Variants in SESN2 observed in about 807,000 individuals in gnomAD.
The protein encoded by SESN2 is sestrin 2.
SESN2 carries 42 observed loss-of-function variants against 56.0 expected under a neutral mutation model. The ratio of observed to expected loss-of-function variants is 0.75; its 90% CI spans 0.59 to 0.97. The LOEUF is 0.97. SESN2 is among the 50% of genes least tolerant of loss of function. The pLI, the probability that SESN2 is intolerant of heterozygous loss-of-function variation, is 0.00. For synonymous variants in SESN2, 264 were observed against 267.1 expected (o/e 0.99, Z 0.11); for missense variants, 507 against 649.4 (o/e 0.78, Z 2.38).
chr1:28,274,291 G>A (rs2149039448), intron 7 of SESN2, 133 bp downstream of exon 7: 3 of 669,094 alleles, frequency 4.5e-6, no homozygotes, highest in Non-Finnish European at 8.0e-6. Flanking sequence ...CAGCACTTTG[G>A]GAAGCCAAGG....
At position 28,271,665 on chromosome 1, in the gene SESN2, G is replaced by C; in HGVS notation, c.157-9G>C. The C allele has an allele frequency of 1.2e-6, 2 of 1,612,726 alleles. No homozygotes were observed. The highest frequency in any genetic ancestry group is 1.7e-5 in the Admixed American group (1 of 60,026). On this transcript the variant is annotated splice_polypyrimidine_tract_variant and intron_variant, in intron 2 of 9. Coordinates refer to ENST00000253063, the MANE Select transcript of SESN2 (RefSeq NM_031459.5). ...GGAAACCCATGCTCTCCTCCCCTTT[G>C]GTTGGCAGGTCCTTCGGGAGGGGGC...
chr1:28,268,178 G>A (rs1389515536), intron 1 of SESN2, among the ~76,000 whole-genome samples: 6 of 152,182 alleles, frequency 3.9e-5, no homozygotes, highest in African/African-American at 7.2e-5. Context: ...TAAGGAGGCC[G>A]GGGGACAACT....
chr1:28,279,254 C>T lies in SESN2; in HGVS notation c.1356+13C>T. On this transcript the variant is annotated intron_variant, in intron 9 of 9. Coordinates refer to ENST00000253063, the MANE Select transcript of SESN2 (RefSeq NM_031459.5). ...CCACTCAGAGAAGGTATGACCTATA[C>T]AGGCAGGGCAGGATGGAAGTAGACA... 2 of 1,613,672 alleles carry T rather than the reference C, an allele frequency of 1.2e-6. No individual in the cohort carries two copies. The highest frequency in any genetic ancestry group is 1.7e-6 in the Non-Finnish European group (2 of 1,179,954).
At position 28,272,768 on chromosome 1, in the gene SESN2, G is replaced by A. The variant is rs1428794946; in HGVS notation, c.725G>A (p.Ser242Asn). The A allele has an allele frequency of 6.2e-7, 1 of 1,603,114 alleles. No individual in the cohort carries two copies. Among genetic ancestry groups the A allele is most frequent in the Non-Finnish European group, 8.5e-7 (1 of 1,172,366 alleles). ...CCTAGTGAACAGAGCAGCCCCCCAAGCAGGGACCCGTTGAACAACTCTGGG... is the reference window on the plus strand; with the variant it reads ...CCTAGTGAACAGAGCAGCCCCCCAAACAGGGACCCGTTGAACAACTCTGGG... The part of the protein sequence containing the change: ...TPPSEQSSPP[S>N]RDPLNNSGGF... Residue 242 changes from serine (S) to asparagine (N), a missense_variant, in exon 5 of 10, where the codon AGC (serine) becomes AAC (asparagine). Transcript: ENST00000253063.
intron 1 of SESN2, among the ~76,000 whole-genome samples, chr1:28,266,641 C>G (rs1647569667): frequency 6.8e-6 from 1 of 147,296 alleles, no homozygotes; most frequent in Non-Finnish European, 1.5e-5. Flanking sequence ...CTTGCTGTAA[C>G]CTCAAACTCC....
chr1:28,277,516 CCTTT>C (rs1184243093), intron 8 of SESN2, among the ~76,000 whole-genome samples: 1 of 152,182 alleles, frequency 6.6e-6, no homozygotes, highest in East Asian at 1.9e-4. Flanking sequence ...ACACCTGGCA[CCTTT>C]CTTTTTTTCT....
Position 28,274,859 on chromosome 1 carries a change from T to C in SESN2, c.1055T>C (p.Ile352Thr). Residue 352 changes from isoleucine (I) to threonine (T), a missense_variant, in exon 8 of 10, where the codon ATC becomes ACC. Physicochemically the swap from Ile to Thr is moderately conservative, Grantham distance 89. Transcript: ENST00000253063. Reference protein sequence around the residue: ...YTWEDHGYSLIQRLYPEGGQL... With the variant: ...YTWEDHGYSLTQRLYPEGGQL... ...TGGGAAGACCATGGCTACTCGCTGATCCAGCGGCTTTACCCTGAGGGTGGG... is the reference window on the plus strand; with the variant it reads ...TGGGAAGACCATGGCTACTCGCTGACCCAGCGGCTTTACCCTGAGGGTGGG... 6.2e-7 allele frequency: 1 copy of C among 1,614,120 alleles called. No individual in the cohort carries two copies. The highest frequency in any genetic ancestry group is 1.1e-5 in the South Asian group (1 of 91,068).
At chr1:28,261,022 G>A (rs1370988929) in intron 1 of SESN2, among the ~76,000 whole-genome samples, 1 of 152,106 alleles carries the variant, frequency 6.6e-6, no homozygotes, top group Non-Finnish European at 1.5e-5. Context: ...CTTGTTCTTT[G>A]GCCTTATGAT....
chr1:28,262,549 G>C (rs1179228052), intron 1 of SESN2, among the ~76,000 whole-genome samples: 2 of 150,726 alleles, frequency 1.3e-5, no homozygotes, highest in Admixed American at 6.6e-5. Flanking sequence ...TTGAGCCTGG[G>C]AGGCGGAGGT....
intron 1 of SESN2, among the ~76,000 whole-genome samples, chr1:28,264,697 T>A (rs142888477): frequency 2.0e-5 from 3 of 152,148 alleles, no homozygotes; most frequent in African/African-American, 4.8e-5. Flanking sequence ...AAAATGAAAA[T>A]TTTTTGTTGC....
intron 2 of SESN2, among the ~76,000 whole-genome samples, chr1:28,271,006 AC>A (rs763842634): frequency 1.5e-4 from 23 of 151,984 alleles, no homozygotes; most frequent in Non-Finnish European, 1.9e-4. Flanking sequence ...ACATAGTGGG[AC>A]CCCGTCTGTA....
At chr1:28,260,991 T>A (rs905980940) in intron 1 of SESN2, among the ~76,000 whole-genome samples, 2 of 152,206 alleles carry the variant, frequency 1.3e-5, no homozygotes, top group Admixed American at 6.5e-5. Context: ...AGAGGCTTTC[T>A]TCATTAACCC....
At chr1:28,266,841 G>A (rs1040735884) in intron 1 of SESN2, among the ~76,000 whole-genome samples, 6 of 152,054 alleles carry the variant, frequency 3.9e-5, no homozygotes, top group Non-Finnish European at 5.9e-5. Flanking sequence ...GAGCTGCTGC[G>A]CCAGCCAAGG....
chr1:28,277,573 T>C (rs1297116408), intron 8 of SESN2, among the ~76,000 whole-genome samples: 3 of 152,196 alleles, frequency 2.0e-5, no homozygotes. Flanking sequence ...AAAAACAAGA[T>C]CAGTTGCCAT....
chr1:28,276,181 CAAAA>C (rs1486034322), intron 8 of SESN2, among the ~76,000 whole-genome samples: 1 of 151,178 alleles, frequency 6.6e-6, no homozygotes, highest in African/African-American at 2.4e-5. Context: ...ATACAGATAA[CAAAA>C]AAGAAAATAA....
intron 1 of SESN2, among the ~76,000 whole-genome samples, chr1:28,262,331 G>A (rs1647401164): frequency 6.6e-6 from 1 of 152,086 alleles, no homozygotes. Flanking sequence ...CTCTAGTACT[G>A]GTAGTATTGG....
intron 8 of SESN2, among the ~76,000 whole-genome samples, chr1:28,278,055 G>A (rs1366265924): frequency 6.6e-6 from 1 of 152,196 alleles, no homozygotes; most frequent in Non-Finnish European, 1.5e-5. Context: ...CTAGACTGGG[G>A]ATAACTAAGT....
chr1:28,260,167 TC>T (rs1265189167), intron 1 of SESN2, among the ~76,000 whole-genome samples: 1 of 101,688 alleles, frequency 9.8e-6, no homozygotes, highest in African/African-American at 3.7e-5. Context: ...TCCCTCCCTC[TC>T]CCCCTCTCCC....
intron 1 of SESN2, among the ~76,000 whole-genome samples, chr1:28,268,960 C>T (rs917788429): frequency 2.6e-5 from 4 of 152,158 alleles, no homozygotes; most frequent in African/African-American, 9.7e-5. Context: ...TTCTTGGGTC[C>T]CAACCCAGTT....
Sources: allele counts gnomAD v4.1 joint callset (sites outside exome capture counted in the v4.1 genomes callset), GRCh38; gene constraint gnomAD v4.1.1; transcripts MANE v1.5; gene names NCBI Gene and HGNC (gene_info 2026-07-23, HGNC 2026-07-21).